Variants in RBFOX1 observed in about 807,000 individuals in gnomAD.
The protein encoded by RBFOX1 is RNA binding protein fox-1 homolog 1.
A neutral mutation model predicts 57.7 loss-of-function variants in RBFOX1; 8 were observed. That is an observed-to-expected ratio of 0.14 (90% CI 0.08 to 0.25). RBFOX1 has a LOEUF of 0.25. RBFOX1 is among the 10% of genes least tolerant of loss of function. RBFOX1 has a pLI of 1.00. For synonymous variants in RBFOX1, 326 were observed against 222.4 expected, an observed-to-expected ratio of 1.47 and a Z score of -4.15; for missense variants, 611 against 548.5, an observed-to-expected ratio of 1.11 and a Z score of -1.14.
At chr16:6,071,247 G>A (rs1404394460) in intron 1 of RBFOX1, among the ~76,000 whole-genome samples, 1 of 152,176 alleles carries the variant, frequency 6.6e-6, no homozygotes, top group East Asian at 1.9e-4. Context: ...TTTGAGCCCA[G>A]GAGGTTGAGG....
intron 3 of RBFOX1, among the ~76,000 whole-genome samples, chr16:6,802,954 C>T (rs955790641): frequency 6.6e-6 from 1 of 152,152 alleles, no homozygotes; most frequent in African/African-American, 2.4e-5. Context: ...AAGATGGCTT[C>T]TTCCACAACA....
chr16:6,695,868 C>T (rs2060965297), intron 3 of RBFOX1, among the ~76,000 whole-genome samples: 2 of 152,164 alleles, frequency 1.3e-5, no homozygotes, highest in Non-Finnish European at 2.9e-5. Flanking sequence ...TCAGGATGAA[C>T]ATCTCCATAT....
chr16:7,531,389 G>T (rs1229070437), intron 5 of RBFOX1, among the ~76,000 whole-genome samples: 2 of 152,170 alleles, frequency 1.3e-5, no homozygotes, highest in Non-Finnish European at 2.9e-5. Flanking sequence ...CCAGCTTTCT[G>T]TGGACAATCA....
At chr16:6,249,492 C>G (rs1221659186) in intron 1 of RBFOX1, among the ~76,000 whole-genome samples, 1 of 152,074 alleles carries the variant, frequency 6.6e-6, no homozygotes, top group African/African-American at 2.4e-5. Context: ...CCACTGCACT[C>G]CAGCTTGGGC....
chr16:7,666,418 TAGTTAAA>T (rs757050253), intron 13 of RBFOX1, among the ~76,000 whole-genome samples: 1 of 152,220 alleles, frequency 6.6e-6, no homozygotes, highest in Non-Finnish European at 1.5e-5. Context: ...TTCCTGAGTT[TAGTTAAA>T]AGTATTTCAC....
chr16:6,114,419 C>T (rs1033236763), intron 1 of RBFOX1, among the ~76,000 whole-genome samples: 2 of 152,214 alleles, frequency 1.3e-5, no homozygotes, highest in Admixed American at 6.5e-5. Context: ...CTAGCATGAG[C>T]ATCACCTTTT....
At position 6,328,325 on chromosome 16, in the gene RBFOX1, C is replaced by T. The variant is rs576513837; in HGVS notation, c.-64+11268C>T. ...AGGATAAAAGACTACAAACTGGGTT[C>T]AGTGTATACTCCTCGGGTGATGGGT... On this transcript the variant is annotated intron_variant, in intron 2 of 15. Coordinates refer to ENST00000550418, the MANE Select transcript of RBFOX1 (RefSeq NM_018723.4). 2.0e-5 allele frequency among the ~76,000 whole-genome samples: 3 copies of T among 152,212 alleles called. No homozygotes were observed. The East Asian group carries it at 5.8e-4, about 29-fold the overall frequency.
chr16:6,906,514 C>A (rs956244994), intron 3 of RBFOX1, among the ~76,000 whole-genome samples: 2 of 151,990 alleles, frequency 1.3e-5, no homozygotes, highest in African/African-American at 4.8e-5. Flanking sequence ...GTTTATATAA[C>A]CGCAATCTAA....
chr16:7,404,860 G>C lies in RBFOX1; in HGVS notation c.28-113287G>C, dbSNP rs181890260. 1.3e-3 allele frequency among the ~76,000 whole-genome samples: 203 copies of C among 152,240 alleles called. 1 individual carries two copies. Among genetic ancestry groups the C allele is most frequent in the African/African-American group, 4.6e-3 (190 of 41,548 alleles). On this transcript the variant is annotated intron_variant, in intron 4 of 15. Coordinates refer to ENST00000550418, the MANE Select transcript of RBFOX1 (RefSeq NM_018723.4). The stretch of plus-strand genomic sequence containing the variant: ...GCTCTCCTGGAATGTGTTATGAATT[G>C]GGTGAGGGGTGCCGTTCAGGATGGC...
intron 2 of RBFOX1, among the ~76,000 whole-genome samples, chr16:6,487,966 G>T (rs1268525503): frequency 6.6e-6 from 1 of 151,760 alleles, no homozygotes; most frequent in African/African-American, 2.4e-5. Context: ...AACCTGGTTT[G>T]AATTAACTTG....
Position 6,019,046 on chromosome 16 carries a change from C to G in RBFOX1, c.-1073C>G. 6.2e-6 allele frequency: 6 copies of G among 963,612 alleles called. No homozygotes were observed. The highest frequency in any genetic ancestry group is 7.4e-6 in the Non-Finnish European group (6 of 810,836). The allele number at this position is 963,612 out of a possible 1,614,324, so 59.7% of individuals were successfully genotyped here. ...ACCAGATTATTTTTGGCTCCGCAGC[C>G]GGGGCTGCTCGCTGCTTGTCGCGCG... On this transcript the variant is annotated 5_prime_UTR_variant, in exon 1 of 16. Transcript: ENST00000550418. The surrounding 1 kb of genome is among the most constrained non-coding windows in gnomAD (Gnocchi z 4.2).
chr16:7,440,771 C>T (rs191637622), intron 4 of RBFOX1, among the ~76,000 whole-genome samples: 1 of 152,162 alleles, frequency 6.6e-6, no homozygotes, highest in Non-Finnish European at 1.5e-5. Context: ...GCATCTTCCT[C>T]TTCAACTTCA....
intron 1 of RBFOX1, among the ~76,000 whole-genome samples, chr16:5,368,900 T>A (rs2065791584): frequency 6.6e-6 from 1 of 152,190 alleles, no homozygotes; most frequent in South Asian, 2.1e-4. Flanking sequence ...TGATATGAGT[T>A]AGGTTTTCTG....
chr16:6,784,807 G>A (rs1187553178), intron 3 of RBFOX1, among the ~76,000 whole-genome samples: 1 of 151,940 alleles, frequency 6.6e-6, no homozygotes, highest in Non-Finnish European at 1.5e-5. Context: ...TAGCCATCTT[G>A]TTCCACCTCA....
intron 1 of RBFOX1, among the ~76,000 whole-genome samples, chr16:6,190,578 G>C (rs1002786289): frequency 7.2e-5 from 11 of 152,168 alleles, no homozygotes; most frequent in African/African-American, 2.4e-4. Context: ...TTTCAGCACT[G>C]CCTGTAACAT....
At chr16:5,661,712 A>G (rs1189073373) in intron 3 of RBFOX1, among the ~76,000 whole-genome samples, 1 of 152,214 alleles carries the variant, frequency 6.6e-6, no homozygotes, top group Non-Finnish European at 1.5e-5. Flanking sequence ...CTGCTGTCTT[A>G]TCAAATTTTA....
chr16:6,651,194 A>T (rs112029076), intron 2 of RBFOX1, among the ~76,000 whole-genome samples: 6,765 of 152,104 alleles, frequency 0.044, 429 homozygotes, highest in Admixed American at 0.15. Context: ...GAGCCACCAC[A>T]CCCGGCCTGG....
At chr16:6,776,342 G>C (rs7498950) in intron 3 of RBFOX1, among the ~76,000 whole-genome samples, 110,694 of 151,902 alleles carry the variant, frequency 0.73, 41,297 homozygotes, top group East Asian at 0.92. Flanking sequence ...ACCCAGGAGG[G>C]AGAGCTTGCA....
intron 1 of RBFOX1, among the ~76,000 whole-genome samples, chr16:5,364,883 A>T (rs1322543949): frequency 3.3e-5 from 5 of 152,106 alleles, no homozygotes; most frequent in Admixed American, 3.3e-4. Flanking sequence ...TGTGAAACGC[A>T]CCTGCTTGGG....
Sources: gnomAD v4.1 joint callset for allele counts (sites outside exome capture counted in the v4.1 genomes callset) on GRCh38, gnomAD v4.1.1 for gene constraint, Gnocchi (gnomAD v3.1) non-coding constraint, MANE v1.5 for transcripts, NCBI Gene and HGNC (gene_info 2026-07-23, HGNC 2026-07-21) for gene names.